The following SGCZ variants were observed in gnomAD, a reference collection of about 807,000 sequenced individuals.
The protein encoded by SGCZ is zeta-sarcoglycan.
Under a neutral mutation model 41.3 loss-of-function variants are expected in SGCZ, and 40 were observed. The ratio of observed to expected loss-of-function variants is 0.97; its 90% CI spans 0.75 to 1.26. The LOEUF is 1.26. Ranked by LOEUF, SGCZ falls within the 50% of genes most tolerant of loss-of-function variation. The probability of loss-of-function intolerance (pLI) is 0.00; values close to 1 mark genes in which losing one functional copy is unlikely to be tolerated. For synonymous variants in SGCZ, 206 were observed against 137.5 expected, an observed-to-expected ratio of 1.50 and a Z score of -3.49; for missense variants, 552 against 369.8, an observed-to-expected ratio of 1.49 and a Z score of -4.04.
rs199790040 is a variant in SGCZ, at chr8:14,684,779, C to CA, written c.40-129854dup. On this transcript the variant is annotated intron_variant, in intron 1 of 7. Coordinates refer to ENST00000382080, the MANE Select transcript of SGCZ (RefSeq NM_139167.4). ...ATTGCTGCAAAGAAGTCTTTCCTTTCAAAAAAAAATCTACAATGCTTCATA... is the reference window on the plus strand; with the variant it reads ...ATTGCTGCAAAGAAGTCTTTCCTTTCAAAAAAAAAATCTACAATGCTTCATA... Among the ~76,000 whole-genome samples, 428 of 149,698 alleles carry CA rather than the reference C, an allele frequency of 2.9e-3. 4 individuals carry two copies. Among genetic ancestry groups the CA allele is most frequent in the African/African-American group, 9.8e-3 (401 of 40,968 alleles).
At chr8:14,884,256 C>T (rs1355946736) in intron 1 of SGCZ, among the ~76,000 whole-genome samples, 4 of 152,230 alleles carry the variant, frequency 2.6e-5, no homozygotes, top group African/African-American at 4.8e-5. Flanking sequence ...TCCCTTAGTG[C>T]CAAAGTGCTT....
intron 5 of SGCZ, among the ~76,000 whole-genome samples, chr8:14,137,063 C>G (rs867065183): frequency 6.6e-6 from 1 of 152,176 alleles, no homozygotes; most frequent in South Asian, 2.1e-4. Flanking sequence ...TAAACTCCAA[C>G]AGACCTGCAG....
chr8:14,578,170 T>C (rs1585095503), intron 1 of SGCZ, among the ~76,000 whole-genome samples: 1 of 152,154 alleles, frequency 6.6e-6, no homozygotes, highest in Non-Finnish European at 1.5e-5. Context: ...ATTTTGGTGA[T>C]AAAAAGAGAA....
chr8:14,307,054 G>A (rs1012433011), intron 3 of SGCZ, among the ~76,000 whole-genome samples: 4 of 152,068 alleles, frequency 2.6e-5, no homozygotes, highest in Non-Finnish European at 2.9e-5. Flanking sequence ...ATGGGAAAGA[G>A]AAAATGAATT....
At position 14,085,096 on chromosome 8, in the gene SGCZ, A is replaced by C. The variant is rs371778999; in HGVS notation, c.*5347T>G. ...AGATACAATAGACTGATTTTTGAAT[A>C]GATATGTTATCTACAGTTTATAGGG... On this transcript the variant is annotated 3_prime_UTR_variant, in exon 8 of 8. Coordinates refer to ENST00000382080, the MANE Select transcript of SGCZ (RefSeq NM_139167.4). Among the ~76,000 whole-genome samples, 6 of 151,956 alleles carry C rather than the reference A, an allele frequency of 3.9e-5. No individual in the cohort carries two copies. In the East Asian group the frequency reaches 1.2e-3, roughly 30 times the overall value.
intron 1 of SGCZ, among the ~76,000 whole-genome samples, chr8:14,747,430 A>G (rs145889702): frequency 1.8e-4 from 28 of 152,324 alleles, no homozygotes; most frequent in African/African-American, 6.5e-4. Context: ...ACCAACGTCC[A>G]GAGAGAAGCA....
intron 5 of SGCZ, among the ~76,000 whole-genome samples, chr8:14,142,619 G>A (rs1209393605): frequency 6.6e-6 from 1 of 152,234 alleles, no homozygotes; most frequent in South Asian, 2.1e-4. Flanking sequence ...GGGAGCCCTG[G>A]CATTTCAAGA....
At chr8:14,476,366 G>A (rs183250504) in intron 2 of SGCZ, among the ~76,000 whole-genome samples, 1 of 152,004 alleles carries the variant, frequency 6.6e-6, no homozygotes, top group Admixed American at 6.6e-5. Context: ...TAATGAATAT[G>A]AGCTGATTCC....
intron 1 of SGCZ, among the ~76,000 whole-genome samples, chr8:14,678,880 G>C (rs1190513898): frequency 6.6e-6 from 1 of 152,150 alleles, no homozygotes; most frequent in Admixed American, 6.6e-5. Flanking sequence ...GCTATGAAAA[G>C]ATATAGAGAA....
intron 5 of SGCZ, among the ~76,000 whole-genome samples, chr8:14,143,330 G>A (rs926468047): frequency 3.3e-5 from 5 of 151,722 alleles, no homozygotes; most frequent in African/African-American, 9.7e-5. Context: ...TTGTATAGCA[G>A]GAAAAAGAAA....
At chr8:14,114,978 G>A (rs1388972781) in intron 5 of SGCZ, among the ~76,000 whole-genome samples, 1 of 151,926 alleles carries the variant, frequency 6.6e-6, no homozygotes, top group Non-Finnish European at 1.5e-5. Context: ...GAATGAATAT[G>A]TGGTTTGATG....
intron 2 of SGCZ, among the ~76,000 whole-genome samples, chr8:14,537,056 C>T (rs1432657439): frequency 3.9e-5 from 6 of 151,960 alleles, no homozygotes; most frequent in Non-Finnish European, 7.4e-5. Flanking sequence ...ATTGTTCCTG[C>T]TGCTGACACA....
At position 14,540,950 on chromosome 8, in the gene SGCZ, C is replaced by T. The variant is rs542416421; in HGVS notation, c.234+13782G>A. On this transcript the variant is annotated intron_variant, in intron 2 of 7. Transcript: ENST00000382080. ...TTAGTTGATGTTAACTTCATTTTTT[C>T]ACAGTTATATCAAAACAAGTAATGT... Among the ~76,000 whole-genome samples the T allele has an allele frequency of 2.4e-4, 36 of 150,900 alleles. 1 individual carries two copies. The South Asian group carries it at 7.5e-3, about 32-fold the overall frequency.
chr8:15,077,942 C>A (rs942360314), intron 1 of SGCZ, among the ~76,000 whole-genome samples: 2 of 152,178 alleles, frequency 1.3e-5, no homozygotes, highest in East Asian at 3.9e-4. Flanking sequence ...AGTGTTTACA[C>A]GAGATGTTTT....
chr8:14,101,199 T>C (rs1802009209), intron 7 of SGCZ, among the ~76,000 whole-genome samples: 1 of 151,812 alleles, frequency 6.6e-6, no homozygotes, highest in South Asian at 2.1e-4. Flanking sequence ...GGATAAAATA[T>C]GAGATTAGAT....
At chr8:14,114,062 T>C (rs1194924022) in intron 5 of SGCZ, among the ~76,000 whole-genome samples, 1 of 152,094 alleles carries the variant, frequency 6.6e-6, no homozygotes, top group Non-Finnish European at 1.5e-5. Flanking sequence ...TTTCTAACAT[T>C]GCATTGCAAT....
chr8:14,147,914 T>C (rs1264365789), intron 5 of SGCZ, among the ~76,000 whole-genome samples: 1 of 152,090 alleles, frequency 6.6e-6, no homozygotes, highest in African/African-American at 2.4e-5. Flanking sequence ...TTGCGAACTA[T>C]ACAAATACCT....
At chr8:15,040,004 GT>G (rs750837112) in intron 1 of SGCZ, among the ~76,000 whole-genome samples, 35 of 152,108 alleles carry the variant, frequency 2.3e-4, no homozygotes, top group Admixed American at 4.6e-4. Context: ...TGCAAAAAAA[GT>G]TAATAACCAG....
At chr8:14,172,712 G>C (rs1198403893) in intron 4 of SGCZ, among the ~76,000 whole-genome samples, 1 of 152,098 alleles carries the variant, frequency 6.6e-6, no homozygotes, top group Non-Finnish European at 1.5e-5. Context: ...CAGGGAAATA[G>C]AGCCCATCGG....
Sources: allele counts gnomAD v4.1 joint callset (sites outside exome capture counted in the v4.1 genomes callset), GRCh38; gene constraint gnomAD v4.1.1; transcripts MANE v1.5; gene names NCBI Gene and HGNC (gene_info 2026-07-23, HGNC 2026-07-21).